The following CAPRIN2 variants were observed in gnomAD, a reference collection of about 807,000 sequenced individuals.
The protein encoded by CAPRIN2 is caprin-2.
Under a neutral mutation model 130.4 loss-of-function variants are expected in CAPRIN2, and 66 were observed. The observed-to-expected ratio is 0.51, with a 90% CI of 0.42 to 0.62. The LOEUF is 0.62. Among genes scored for constraint, CAPRIN2 ranks in the 20% least tolerant of loss-of-function variants. CAPRIN2 has a pLI of 0.00. For missense variants in CAPRIN2, 1,185 were observed against 1,246.6 expected (o/e 0.95, Z 0.74); for synonymous variants, 471 against 444.1 (o/e 1.06, Z -0.76).
chr12:30,745,758 T>G (rs1432311012), intron 2 of CAPRIN2, among the ~76,000 whole-genome samples: 2 of 151,856 alleles, frequency 1.3e-5, no homozygotes, highest in African/African-American at 4.8e-5. Flanking sequence ...ATAAAGTAAG[T>G]CTAAAAGCTG....
chr12:30,747,138 C>A (rs1375581255), intron 2 of CAPRIN2, among the ~76,000 whole-genome samples: 1 of 152,154 alleles, frequency 6.6e-6, no homozygotes, highest in Non-Finnish European at 1.5e-5. Context: ...AACAAAATAA[C>A]AAAGCCTGGA....
chr12:30,741,069 A>C (rs2067229508), exon 3 of CAPRIN2: 1 of 1,611,518 alleles, frequency 6.2e-7, no homozygotes, highest in Non-Finnish European at 8.5e-7. Context: ...GGCAAATTCC[A>C]AATTATGTAG....
chr12:30,737,131 A>T (rs2065200950), intron 3 of CAPRIN2, among the ~76,000 whole-genome samples: 1 of 151,910 alleles, frequency 6.6e-6, no homozygotes, highest in African/African-American at 2.4e-5. Context: ...CAGCCTCCTG[A>T]ATAGCTGGAA....
Position 30,710,763 on chromosome 12 carries a change from C to G in CAPRIN2, c.2666-293G>C, listed in dbSNP as rs2054099528. On this transcript the variant is annotated intron_variant, in intron 16 of 16. Coordinates refer to ENST00000298892, the Ensembl canonical transcript of CAPRIN2. This position sits in a 1 kb window ranked among gnomAD's most constrained non-coding sequence, Gnocchi z 4.8. The stretch of plus-strand genomic sequence containing the variant: ...ACTTAGCAAAGTCTAAAACTCAGGT[C>G]TGAACACTTTTTACTTCATCTTCCT... Among the ~76,000 whole-genome samples, 1 of 152,174 alleles carries G rather than the reference C, an allele frequency of 6.6e-6. No homozygotes were observed. Among genetic ancestry groups the G allele is most frequent in the Non-Finnish European group, 1.5e-5 (1 of 68,034 alleles).
At chr12:30,715,130 G>A in exon 14 of CAPRIN2, 4 of 1,613,736 alleles carry the variant, frequency 2.5e-6, no homozygotes, top group Non-Finnish European at 3.4e-6. Context: ...GTTCCATCAG[G>A]ATGATAATTT....
At chr12:30,752,965 A>G (rs2074713880) in intron 1 of CAPRIN2, among the ~76,000 whole-genome samples, 1 of 152,236 alleles carries the variant, frequency 6.6e-6, no homozygotes, top group South Asian at 2.1e-4. Context: ...CCTTCCAACG[A>G]CTGCAGCAGT....
At position 30,728,757 on chromosome 12, in the gene CAPRIN2, G is replaced by A. The variant is rs758007570; in HGVS notation, c.1673C>T (p.Ser558Phe). 2.0e-4 allele frequency: 326 copies of A among 1,614,026 alleles called. No individual in the cohort carries two copies. The highest frequency in any genetic ancestry group is 2.7e-4 in the Non-Finnish European group (322 of 1,180,032). The change falls in exon 8 of 17, where the codon TCT (serine) becomes TTT (phenylalanine). Residue 558 changes from serine (S) to phenylalanine (F), a missense_variant. By Grantham distance (155) the Ser-to-Phe change is radical. This residue lies in a region of CAPRIN2 where 1,104 missense variants were observed against 1,104.3 expected (regional missense o/e 1.00). Transcript: ENST00000298892. Reference sequence around the variant, plus strand: ...AGAAATCTGTGACTGTGATGTTAAAGAGTGTTTTTGACTCTCAACATTGTT... The same window carrying A: ...AGAAATCTGTGACTGTGATGTTAAAAAGTGTTTTTGACTCTCAACATTGTT...
chr12:30,733,482 C>G, intron 5 of CAPRIN2, 147 bp downstream of exon 6: 1 of 623,310 alleles, frequency 1.6e-6, no homozygotes, highest in Non-Finnish European at 2.9e-6. Flanking sequence ...CAGAACTAAA[C>G]AAAGGGATCA....
rs553200153 is a variant in CAPRIN2 at position 30,737,196 on chromosome 12, GTCTC to G, written c.571-1994_571-1991del. Among the ~76,000 whole-genome samples, 11 of 151,452 alleles carry G rather than the reference GTCTC, an allele frequency of 7.3e-5. No homozygotes were observed. In the South Asian group the frequency reaches 8.4e-4, roughly 12 times the overall value. On this transcript the variant is annotated intron_variant, in intron 3 of 16. Transcript: ENST00000298892. Reference sequence around the variant, plus strand: ...ATTTTTTTTTTTTAATAGAGATGAGGTCTCTCTATGTTGTCCAGGCTGGTCTTGA... The same window carrying G: ...ATTTTTTTTTTTTAATAGAGATGAGGTCTATGTTGTCCAGGCTGGTCTTGA...
intron 13 of CAPRIN2, 50 bp from the exon 16 acceptor site, chr12:30,715,191 T>C (rs1437768820): frequency 6.7e-7 from 1 of 1,492,002 alleles, no homozygotes; most frequent in African/African-American, 1.4e-5. Flanking sequence ...GGTAATAGTC[T>C]TTATACTTAA....
chr12:30,752,244 T>C (rs1269744771), intron 1 of CAPRIN2, among the ~76,000 whole-genome samples: 1 of 152,146 alleles, frequency 6.6e-6, no homozygotes, highest in Non-Finnish European at 1.5e-5. Context: ...TCTAAAAGCA[T>C]TCTTTAGGTT....
exon 14 of CAPRIN2, chr12:30,715,000 C>T (rs1201770780): frequency 1.9e-6 from 3 of 1,613,898 alleles, no homozygotes; most frequent in Non-Finnish European, 2.5e-6. Flanking sequence ...GGTTATTAAT[C>T]TCCCACCACG....
At chr12:30,738,975 C>T (rs878959582) in intron 3 of CAPRIN2, among the ~76,000 whole-genome samples, 5 of 152,194 alleles carry the variant, frequency 3.3e-5, no homozygotes, top group South Asian at 2.1e-4. Context: ...TTAGGTCAAC[C>T]ATTGTGGAAA....
intron 9 of CAPRIN2, among the ~76,000 whole-genome samples, chr12:30,725,682 A>G (rs1385408055): frequency 6.6e-6 from 1 of 152,204 alleles, no homozygotes; most frequent in Non-Finnish European, 1.5e-5. Flanking sequence ...CTCAGTACTG[A>G]TAATCTATAG....
At chr12:30,722,153 G>GT (rs2059608307) in intron 11 of CAPRIN2, among the ~76,000 whole-genome samples, 1 of 152,184 alleles carries the variant, frequency 6.6e-6, no homozygotes, top group Non-Finnish European at 1.5e-5. Context: ...TAATAACAAA[G>GT]ACATTTACAT....
At chr12:30,721,810 G>T (rs1414504331) in intron 11 of CAPRIN2, among the ~76,000 whole-genome samples, 1 of 152,194 alleles carries the variant, frequency 6.6e-6, no homozygotes, top group East Asian at 1.9e-4. Context: ...TGCTTTTTAG[G>T]AAGGAGACTG....
At chr12:30,730,243 T>G in exon 7 of CAPRIN2, 1 of 1,610,378 alleles carries the variant, frequency 6.2e-7, no homozygotes, top group South Asian at 1.1e-5. Context: ...TCTTACCTCT[T>G]GTGGTTGTAT....
intron 2 of CAPRIN2, among the ~76,000 whole-genome samples, chr12:30,741,988 T>C (rs554143210): frequency 1.3e-5 from 2 of 152,266 alleles, no homozygotes; most frequent in Admixed American, 6.5e-5. Flanking sequence ...TACTGATACA[T>C]GCTATAACAT....
chr12:30,731,329 A>G lies in CAPRIN2; in HGVS notation c.1060+14T>C. 6.2e-7 allele frequency: 1 copy of G among 1,605,810 alleles called. No individual in the cohort carries two copies. The highest frequency in any genetic ancestry group is 8.5e-7 in the Non-Finnish European group (1 of 1,175,252). On this transcript the variant is annotated intron_variant, in intron 6 of 16. Coordinates refer to ENST00000298892, the Ensembl canonical transcript of CAPRIN2. ...ATGCAACCACTATAAGGATTTTCAG[A>G]GGTCACAACAAACCTGACTCTTTGA...
Sources: allele counts gnomAD v4.1 joint callset (sites outside exome capture counted in the v4.1 genomes callset), GRCh38; gene constraint gnomAD v4.1.1; regional missense constraint gnomAD v4.1.1; non-coding constraint Gnocchi (gnomAD v3.1); transcripts MANE v1.5; gene names NCBI Gene and HGNC (gene_info 2026-07-23, HGNC 2026-07-21).